TULP4: variants seen among roughly 807,000 people sequenced by gnomAD.
TULP4 encodes TUB like protein 4, also known as tubby-related protein 4.
In TULP4, 16 loss-of-function variants were observed where a neutral mutation model predicts 129.0. The observed-to-expected ratio is 0.12, with a 90% CI of 0.08 to 0.19. The LOEUF is 0.19. Among genes scored for constraint, TULP4 ranks in the 10% least tolerant of loss-of-function variants. TULP4 has a pLI of 1.00. For synonymous variants in TULP4, 998 were observed against 854.0 expected (o/e 1.17, Z -2.94); for missense variants, 1,842 against 2,059.1 (o/e 0.89, Z 2.04).
Position 158,427,471 on chromosome 6 carries a change from C to T in TULP4, c.382-2265C>T, listed in dbSNP as rs921286588. Among the ~76,000 whole-genome samples the T allele has an allele frequency of 8.1e-3, 604 of 74,136 alleles. 9 individuals are homozygous for T. Among genetic ancestry groups the T allele is most frequent in the Non-Finnish European group, 0.01 (442 of 42,380 alleles). The allele number at this position is 74,136 out of a possible 152,430, so 48.6% of individuals were successfully genotyped here. On this transcript the variant is annotated intron_variant, in intron 2 of 13. Transcript: ENST00000367097. ...AAATTCCTTTTCAAAATTATCAGACCTTTTTTTTTTTTTTTTTTTTTTTTT... is the reference window on the plus strand; with the variant it reads ...AAATTCCTTTTCAAAATTATCAGACTTTTTTTTTTTTTTTTTTTTTTTTTT...
intron 1 of TULP4, among the ~76,000 whole-genome samples, chr6:158,365,213 A>T (rs932867770): frequency 6.6e-6 from 1 of 151,662 alleles, no homozygotes; most frequent in South Asian, 2.1e-4. Context: ...TCTACCTGTT[A>T]TGTTACTTCA....
chr6:158,502,304 A>AC lies in TULP4; in HGVS notation c.2647dup (p.Leu883ProfsTer4). 1 of 1,609,972 alleles carries AC rather than the reference A, an allele frequency of 6.2e-7. No individual in the cohort carries two copies. Among genetic ancestry groups the AC allele is most frequent in the Non-Finnish European group, 8.5e-7 (1 of 1,179,032 alleles). Reference sequence around the variant, plus strand: ...CTACCCCACGTCAGTGCACTACCAGACCCCCCTGGGCTATGAGAGGATCAC... The same window carrying AC: ...CTACCCCACGTCAGTGCACTACCAGACCCCCCCTGGGCTATGAGAGGATCAC... On this transcript the variant is annotated frameshift_variant, in exon 13 of 14. Transcript: ENST00000367097. LOFTEE classifies it high-confidence loss of function.
chr6:158,290,982 G>A (rs999706021), intron 1 of TULP4, among the ~76,000 whole-genome samples: 1 of 152,254 alleles, frequency 6.6e-6, no homozygotes, highest in Middle Eastern at 3.4e-3. Context: ...GACAACAAAA[G>A]GATCTTTCTC....
intron 3 of TULP4, among the ~76,000 whole-genome samples, chr6:158,435,107 A>T (rs182900209): frequency 9.8e-5 from 15 of 152,332 alleles, no homozygotes; most frequent in Non-Finnish European, 2.1e-4. Context: ...AGTGAGGCAC[A>T]TACATAATAT....
At chr6:158,410,420 CAA>C (rs1455583431) in intron 1 of TULP4, among the ~76,000 whole-genome samples, 4 of 152,204 alleles carry the variant, frequency 2.6e-5, no homozygotes, top group Non-Finnish European at 5.9e-5. Context: ...ATCTTGTCAT[CAA>C]GTATTATTTT....
chr6:158,232,932 C>T (rs531685122), intron 1 of TULP4, among the ~76,000 whole-genome samples: 2 of 152,368 alleles, frequency 1.3e-5, no homozygotes, highest in Admixed American at 6.5e-5. Flanking sequence ...GGAGTCTGTG[C>T]TGTTTCCTCT....
intron 1 of TULP4, among the ~76,000 whole-genome samples, chr6:158,283,429 A>G (rs974061494): frequency 6.6e-6 from 1 of 152,154 alleles, no homozygotes; most frequent in Non-Finnish European, 1.5e-5. Flanking sequence ...TCTTGTGTAA[A>G]AGGTAAGGTT....
In TULP4 at chr6:158,481,256, G is replaced by A. The variant is rs749380819; in HGVS notation, c.1453G>A (p.Val485Ile). 7.4e-6 allele frequency: 12 copies of A among 1,614,014 alleles called. No homozygotes were observed. Among genetic ancestry groups the A allele is most frequent in the African/African-American group, 4.0e-5 (3 of 74,940 alleles). Residue 485 changes from valine to isoleucine, a missense_variant, in exon 8 of 14, where the codon GTC (valine) becomes ATC (isoleucine). Transcript: ENST00000367097. ...CATCAGCAAGCTGCGGCCAGAGTTC[G>A]TCATCATGGACCCGCGGACAGATAG... is the stretch of plus-strand genomic sequence containing the variant. Reference protein sequence around the residue: ...RRISKLRPEFVIMDPRTDSKP... With the variant: ...RRISKLRPEFIIMDPRTDSKP...
chr6:158,234,035 A>G (rs1777644386), intron 1 of TULP4, among the ~76,000 whole-genome samples: 1 of 152,232 alleles, frequency 6.6e-6, no homozygotes. Context: ...GAACTTTCAT[A>G]CATGGAAGAT....
chr6:158,463,115 C>G (rs537141450), intron 6 of TULP4, among the ~76,000 whole-genome samples: 1 of 152,134 alleles, frequency 6.6e-6, no homozygotes, highest in Non-Finnish European at 1.5e-5. Context: ...ATTATCCTTA[C>G]GCCAAAGAGG....
intron 6 of TULP4, among the ~76,000 whole-genome samples, chr6:158,465,376 A>G (rs902450913): frequency 6.6e-6 from 1 of 152,172 alleles, no homozygotes; most frequent in Non-Finnish European, 1.5e-5. Context: ...TTGTATGGAT[A>G]TACCACATTT....
intron 2 of TULP4, among the ~76,000 whole-genome samples, chr6:158,420,233 A>G (rs1778304541): frequency 6.6e-6 from 1 of 152,256 alleles, no homozygotes; most frequent in African/African-American, 2.4e-5. Flanking sequence ...TCAAATAACA[A>G]AATATCATTC....
intron 2 of TULP4, among the ~76,000 whole-genome samples, chr6:158,423,588 A>T (rs933961745): frequency 5.9e-5 from 9 of 151,740 alleles, no homozygotes; most frequent in Non-Finnish European, 8.8e-5. Flanking sequence ...TATAAATTAA[A>T]TTTTTTCTTA....
chr6:158,314,468 T>G (rs1163911822), intron 1 of TULP4, among the ~76,000 whole-genome samples, 200 bp downstream of exon 1: 8 of 152,196 alleles, frequency 5.3e-5, no homozygotes, highest in African/African-American at 1.9e-4. Flanking sequence ...CCTCCCCAGG[T>G]GGGTCAGTTG....
intron 5 of TULP4, among the ~76,000 whole-genome samples, chr6:158,454,159 G>A (rs1185986441): frequency 6.6e-6 from 1 of 152,080 alleles, no homozygotes; most frequent in African/African-American, 2.4e-5. Context: ...AAGTCCTGAG[G>A]GACATGAATG....
rs1777760838 is a variant in TULP4, at chr6:158,238,284, C to T, written n.68+5981C>T. The T allele has an allele frequency of 2.6e-6, 3 of 1,132,486 alleles. No homozygotes were observed. The Admixed American group carries it at 5.3e-5, about 20-fold the overall frequency. 70.2% of individuals were successfully genotyped at this position (1,132,486 alleles called of 1,614,324 possible). A position where few individuals can be genotyped will look rare whatever the true frequency, so the allele number is the denominator to read the frequency against. ...TCTATTGCTTTTGTGTGCTGCTTTT[C>T]ACGCAGAGCTGGGCACCTTGGGTTA... On this transcript the variant is annotated intron_variant and non_coding_transcript_variant, in intron 1 of 1. Coordinates refer to the TULP4 transcript ENST00000620026.
intron 1 of TULP4, among the ~76,000 whole-genome samples, chr6:158,259,922 G>A (rs1704744399): frequency 7.5e-6 from 1 of 132,758 alleles, no homozygotes; most frequent in African/African-American, 2.5e-5. Flanking sequence ...CCATGCCATG[G>A]AGTCAGGGGC....
At chr6:158,334,863 T>C (rs1424165381) in intron 1 of TULP4, among the ~76,000 whole-genome samples, 2 of 152,180 alleles carry the variant, frequency 1.3e-5, no homozygotes, top group East Asian at 1.9e-4. Flanking sequence ...TCTGTTCTGC[T>C]CTTCTGCTGT....
At chr6:158,383,972 T>G (rs1777382657) in intron 1 of TULP4, among the ~76,000 whole-genome samples, 1 of 152,164 alleles carries the variant, frequency 6.6e-6, no homozygotes. Context: ...AAGTTAATAG[T>G]ACAGACTTTA....
Sources: gnomAD v4.1 joint callset for allele counts (sites outside exome capture counted in the v4.1 genomes callset) on GRCh38, gnomAD v4.1.1 for gene constraint, MANE v1.5 for transcripts, NCBI Gene and HGNC (gene_info 2026-07-23, HGNC 2026-07-21) for gene names.